The following KCNJ6 variants were observed in gnomAD, a reference collection of about 807,000 sequenced individuals.
KCNJ6 encodes G protein-activated inward rectifier potassium channel 2.
In KCNJ6, 9 loss-of-function variants were observed where a neutral mutation model predicts 34.2. That is an observed-to-expected ratio of 0.26 (90% CI 0.16 to 0.46). The LOEUF (loss-of-function observed/expected upper bound fraction) is 0.46. Among genes scored for constraint, KCNJ6 ranks in the 20% least tolerant of loss-of-function variants. KCNJ6 has a pLI of 1.00. For missense variants in KCNJ6, 236 were observed against 531.3 expected, an observed-to-expected ratio of 0.44 and a Z score of 5.46; for synonymous variants, 196 against 207.1, an observed-to-expected ratio of 0.95 and a Z score of 0.46.
intron 2 of KCNJ6, among the ~76,000 whole-genome samples, chr21:37,789,238 C>T (rs947666050): frequency 6.6e-6 from 1 of 152,100 alleles, no homozygotes; most frequent in East Asian, 1.9e-4. Flanking sequence ...AATTGTGTTC[C>T]CCCACATTTA....
intron 1 of KCNJ6, among the ~76,000 whole-genome samples, chr21:37,850,704 G>T (rs1486535488): frequency 2.6e-5 from 4 of 152,180 alleles, no homozygotes; most frequent in African/African-American, 9.7e-5. Flanking sequence ...CTCAAGCCCA[G>T]TGGTGAGTTT....
intron 2 of KCNJ6, among the ~76,000 whole-genome samples, chr21:37,777,624 T>C (rs547211248): frequency 3.3e-5 from 5 of 152,188 alleles, no homozygotes; most frequent in African/African-American, 1.2e-4. Flanking sequence ...TGACTCAAGG[T>C]AGAGAACTGA....
intron 2 of KCNJ6, among the ~76,000 whole-genome samples, chr21:37,779,396 G>A (rs1428576239): frequency 6.6e-6 from 1 of 152,110 alleles, no homozygotes; most frequent in Non-Finnish European, 1.5e-5. Context: ...TTATTTCAAG[G>A]TATAGCAATG....
At chr21:37,811,196 TG>T (rs1268057794) in intron 2 of KCNJ6, among the ~76,000 whole-genome samples, 1 of 152,160 alleles carries the variant, frequency 6.6e-6, no homozygotes, top group East Asian at 1.9e-4. Context: ...CCCAACTCCA[TG>T]GGGATAGGAA....
At chr21:37,655,693 G>C (rs1473283607) in intron 3 of KCNJ6, among the ~76,000 whole-genome samples, 3 of 152,150 alleles carry the variant, frequency 2.0e-5, no homozygotes, top group Non-Finnish European at 2.9e-5. Flanking sequence ...CTTGACTCAG[G>C]GACCTTCTCT....
chr21:37,847,006 T>C (rs1038641067), intron 1 of KCNJ6, among the ~76,000 whole-genome samples: 4 of 152,246 alleles, frequency 2.6e-5, no homozygotes, highest in Non-Finnish European at 5.9e-5. Context: ...GCATCATTTA[T>C]GTTGCCTTGA....
At chr21:37,799,158 T>C (rs1013683505) in intron 2 of KCNJ6, among the ~76,000 whole-genome samples, 9 of 152,200 alleles carry the variant, frequency 5.9e-5, no homozygotes, top group Admixed American at 3.9e-4. Context: ...CACTTACAAG[T>C]GAGAACACGC....
At chr21:37,874,216 G>T (rs774817060) in intron 1 of KCNJ6, among the ~76,000 whole-genome samples, 1 of 152,160 alleles carries the variant, frequency 6.6e-6, no homozygotes, top group Non-Finnish European at 1.5e-5. Flanking sequence ...CCCATCAGCC[G>T]CAGGCCACAC....
At chr21:37,847,744 GAC>G (rs2055516646) in intron 1 of KCNJ6, among the ~76,000 whole-genome samples, 1 of 150,512 alleles carries the variant, frequency 6.6e-6, no homozygotes, top group Non-Finnish European at 1.5e-5. Flanking sequence ...GAAAGGGAGA[GAC>G]AGAGAGAGAG....
intron 3 of KCNJ6, among the ~76,000 whole-genome samples, chr21:37,646,523 C>T (rs190303216): frequency 1.3e-5 from 2 of 152,274 alleles, no homozygotes; most frequent in East Asian, 3.9e-4. Context: ...TCTCTGTCAT[C>T]TCAACACACT....
At chr21:37,827,727 T>C (rs572356360) in intron 2 of KCNJ6, among the ~76,000 whole-genome samples, 1 of 152,322 alleles carries the variant, frequency 6.6e-6, no homozygotes, top group East Asian at 1.9e-4. Context: ...TTTATATGCA[T>C]TATATATTAG....
intron 1 of KCNJ6, among the ~76,000 whole-genome samples, chr21:37,889,987 A>G (rs1016778787): frequency 1.3e-5 from 2 of 152,202 alleles, no homozygotes; most frequent in African/African-American, 4.8e-5. Flanking sequence ...GCCTGCACAA[A>G]TTCATTTTTT....
In KCNJ6 at chr21:37,829,195, G is replaced by T. The variant is rs190895036; in HGVS notation, c.25+11463C>A. Among the ~76,000 whole-genome samples the T allele has an allele frequency of 2.3e-3, 351 of 151,956 alleles. 1 individual carries two copies. The highest frequency in any genetic ancestry group is 7.8e-3 in the African/African-American group (323 of 41,380). ...GTGGAGGTGGTGGGAGGGAGGAGCG[G>T]GCTCTTGGAGCCAGGTGGCAGATTG... On this transcript the variant is annotated intron_variant, in intron 2 of 3. Coordinates refer to ENST00000609713, the MANE Select transcript of KCNJ6 (RefSeq NM_002240.5).
chr21:37,749,085 C>G (rs2054981877), intron 2 of KCNJ6, among the ~76,000 whole-genome samples: 1 of 152,156 alleles, frequency 6.6e-6, no homozygotes, highest in Non-Finnish European at 1.5e-5. Context: ...TGCATGCACA[C>G]TTTTTGATGG....
chr21:37,681,933 G>A (rs1010990202), intron 3 of KCNJ6, among the ~76,000 whole-genome samples: 1 of 152,182 alleles, frequency 6.6e-6, no homozygotes, highest in African/African-American at 2.4e-5. Flanking sequence ...GTTGCTGAAT[G>A]GGATGAACAC....
intron 2 of KCNJ6, among the ~76,000 whole-genome samples, chr21:37,809,031 A>G (rs1239569880): frequency 2.6e-5 from 4 of 152,212 alleles, no homozygotes; most frequent in African/African-American, 4.8e-5. Flanking sequence ...CTGGGTATAT[A>G]CCCAAAGGAT....
intron 1 of KCNJ6, among the ~76,000 whole-genome samples, chr21:37,911,855 G>A (rs1017404696): frequency 3.9e-5 from 6 of 152,170 alleles, no homozygotes; most frequent in African/African-American, 1.2e-4. Flanking sequence ...GAAAATCAGT[G>A]AATGGGGTTA....
At chr21:37,891,561 G>A (rs1009108770) in intron 1 of KCNJ6, among the ~76,000 whole-genome samples, 2 of 152,112 alleles carry the variant, frequency 1.3e-5, no homozygotes, top group Non-Finnish European at 2.9e-5. Context: ...CCCTTAATAT[G>A]TATTTTAATT....
At chr21:37,667,636 C>T (rs1255970434) in intron 3 of KCNJ6, among the ~76,000 whole-genome samples, 1 of 77,762 alleles carries the variant, frequency 1.3e-5, no homozygotes, top group East Asian at 2.7e-4. Context: ...ACCGGGGTAG[C>T]AGGTCCAGGG....
Sources: allele counts gnomAD v4.1 joint callset (sites outside exome capture counted in the v4.1 genomes callset), GRCh38; gene constraint gnomAD v4.1.1; transcripts MANE v1.5; gene names NCBI Gene and HGNC (gene_info 2026-07-23, HGNC 2026-07-21).